KCNMA1: variants seen among roughly 807,000 people sequenced by gnomAD.
The protein encoded by KCNMA1 is potassium calcium-activated channel subfamily M alpha 1.
Under a neutral mutation model 140.0 loss-of-function variants are expected in KCNMA1, and 29 were observed. The observed-to-expected ratio is 0.21, with a 90% CI of 0.15 to 0.28. The LOEUF (loss-of-function observed/expected upper bound fraction) is 0.28. Among genes scored for constraint, KCNMA1 ranks in the 10% least tolerant of loss-of-function variants. The pLI, the probability that KCNMA1 is intolerant of heterozygous loss-of-function variation, is 1.00. For synonymous variants in KCNMA1, 612 were observed against 611.9 expected, an observed-to-expected ratio of 1.00 and a Z score of 0.00; for missense variants, 880 against 1,602.2, an observed-to-expected ratio of 0.55 and a Z score of 7.70.
chr10:77,478,538 G>A (rs539430509), intron 1 of KCNMA1, among the ~76,000 whole-genome samples: 1 of 152,244 alleles, frequency 6.6e-6, no homozygotes, highest in Non-Finnish European at 1.5e-5. Context: ...ACCATCTAGT[G>A]ACTAAAGATG....
At chr10:76,960,618 G>GTTTTT (rs55685324) in intron 20 of KCNMA1, among the ~76,000 whole-genome samples, 153 of 59,198 alleles carry the variant, frequency 2.6e-3, no homozygotes, top group Non-Finnish European at 3.0e-3. Flanking sequence ...TTATGGTTTT[G>GTTTTT]TTTTTTTTTT....
chr10:76,978,273 G>T (rs2078304192), intron 19 of KCNMA1, among the ~76,000 whole-genome samples: 1 of 152,186 alleles, frequency 6.6e-6, no homozygotes, highest in Admixed American at 6.5e-5. Context: ...TGCCCCATCA[G>T]TTTGGCTAGA....
At chr10:77,485,072 T>C (rs547408153) in intron 1 of KCNMA1, among the ~76,000 whole-genome samples, 31 of 152,296 alleles carry the variant, frequency 2.0e-4, no homozygotes, top group Admixed American at 1.0e-3. Flanking sequence ...CTTCTGAACC[T>C]CCTCTGCTGA....
intron 1 of KCNMA1, among the ~76,000 whole-genome samples, chr10:77,437,496 G>A (rs2097290311): frequency 6.6e-6 from 1 of 152,128 alleles, no homozygotes; most frequent in Non-Finnish European, 1.5e-5. Flanking sequence ...TTTACAGCAG[G>A]TAAAATTTTG....
chr10:77,491,232 G>T (rs1481493142), intron 1 of KCNMA1, among the ~76,000 whole-genome samples: 2 of 152,152 alleles, frequency 1.3e-5, no homozygotes, highest in Non-Finnish European at 2.9e-5. Flanking sequence ...GAGTTGATTG[G>T]ATTTGAGTGA....
At chr10:77,623,832 T>G (rs995314765) in intron 1 of KCNMA1, among the ~76,000 whole-genome samples, 18 of 152,204 alleles carry the variant, frequency 1.2e-4, no homozygotes, top group African/African-American at 4.3e-4. Flanking sequence ...TCCTACACAA[T>G]TACCAACACC....
intron 1 of KCNMA1, among the ~76,000 whole-genome samples, chr10:77,578,150 C>T (rs954773394): frequency 1.3e-5 from 2 of 152,216 alleles, no homozygotes; most frequent in Non-Finnish European, 2.9e-5. Flanking sequence ...ACCAGTGGGC[C>T]TTTCTCCTGA....
At chr10:76,913,155 GTCATGTGAAGGCAGGTGCTCCCACC>G (rs1239784453) in intron 24 of KCNMA1, 1 of 152,186 alleles carries the variant, frequency 6.6e-6, no homozygotes, top group Non-Finnish European at 1.5e-5. Context: ...TCATTTGTGA[GTCATGTGAAGGCAGGTGCTCCCACC>G]TCTCTATCCA....
At chr10:77,485,165 C>A (rs1484361468) in intron 1 of KCNMA1, among the ~76,000 whole-genome samples, 2 of 152,214 alleles carry the variant, frequency 1.3e-5, no homozygotes, top group African/African-American at 2.4e-5. Context: ...GAATGAGCAA[C>A]CCCCATCAGT....
chr10:77,622,494 T>A (rs2091642726), intron 1 of KCNMA1, among the ~76,000 whole-genome samples: 2 of 152,246 alleles, frequency 1.3e-5, no homozygotes, highest in African/African-American at 4.8e-5. Context: ...CTCAGTTTTC[T>A]AATCCATAAG....
In KCNMA1 at chr10:77,587,638, G is replaced by C. The variant is rs1025736995; in HGVS notation, c.378+49627C>G. On this transcript the variant is annotated intron_variant, in intron 1 of 27. Transcript: ENST00000286628. ...GTGTCTGGGCTGCGGGCCCCTGAGT[G>C]TCCGGTGCTCTGAGGACACCTTCAG... 4 of 924,692 alleles carry C rather than the reference G, an allele frequency of 4.3e-6. No individual in the cohort carries two copies. In the African/African-American group the frequency reaches 7.1e-5, roughly 16 times the overall value. 57.3% of individuals were successfully genotyped at this position (924,692 alleles called of 1,614,324 possible).
Position 77,025,240 on chromosome 10 carries a change from GTGTATA to G in KCNMA1, c.1928+2577_1928+2582del, listed in dbSNP as rs1275639354. 0.043 allele frequency among the ~76,000 whole-genome samples: 2,812 copies of G among 65,360 alleles called. 223 individuals are homozygous for G. Among genetic ancestry groups the G allele is most frequent in the South Asian group, 0.1 (180 of 1,742 alleles). 42.9% of individuals were successfully genotyped at this position (65,360 alleles called of 152,430 possible). On this transcript the variant is annotated intron_variant, in intron 16 of 27. Coordinates refer to ENST00000286628, the MANE Select transcript of KCNMA1 (RefSeq NM_001161352.2). ...GTACTCTAGTTGGAGAGGGGTGTGT[GTGTATA>G]TATATATATATATATATATATATAT...
At position 77,192,283 on chromosome 10, in the gene KCNMA1, G is replaced by A. The variant is rs147499747; in HGVS notation, c.603-7367C>T. Among the ~76,000 whole-genome samples, 54 of 152,212 alleles carry A rather than the reference G, an allele frequency of 3.5e-4. 1 individual carries two copies. In the East Asian group the frequency reaches 9.3e-3, roughly 26 times the overall value. ...GATCATTTGCTTTCAAGAAACTCAG[G>A]TGGCGAGAACCCTTTTGTTTGTTAT... On this transcript the variant is annotated intron_variant, in intron 3 of 27. Transcript: ENST00000286628.
chr10:77,183,084 T>C (rs1462919805), intron 5 of KCNMA1, among the ~76,000 whole-genome samples: 1 of 152,172 alleles, frequency 6.6e-6, no homozygotes, highest in African/African-American at 2.4e-5. Context: ...AAAGTTGGCC[T>C]TACCCCCATG....
At chr10:77,052,117 A>G (rs146678252) in intron 14 of KCNMA1, among the ~76,000 whole-genome samples, 287 of 152,288 alleles carry the variant, frequency 1.9e-3, no homozygotes, top group Non-Finnish European at 3.1e-3. Context: ...CCTGTGATTC[A>G]TGGCTTCCTA....
intron 9 of KCNMA1, among the ~76,000 whole-genome samples, chr10:77,092,935 A>G (rs2096848845): frequency 6.6e-6 from 1 of 152,228 alleles, no homozygotes; most frequent in South Asian, 2.1e-4. Context: ...TCAAAAGCTC[A>G]GCTGGCTGAT....
At chr10:77,109,340 C>T (rs1011931813) in intron 8 of KCNMA1, among the ~76,000 whole-genome samples, 16 of 151,976 alleles carry the variant, frequency 1.1e-4, no homozygotes, top group Non-Finnish European at 1.8e-4. Flanking sequence ...TATAAATGTG[C>T]GCACGGTGTA....
chr10:77,630,485 T>C (rs2093050859), intron 1 of KCNMA1, among the ~76,000 whole-genome samples: 1 of 152,054 alleles, frequency 6.6e-6, no homozygotes, highest in East Asian at 1.9e-4. Context: ...GACCATCAGT[T>C]TTCGCAAATA....
chr10:77,153,899 T>C (rs1232221110), intron 5 of KCNMA1, among the ~76,000 whole-genome samples: 1 of 152,148 alleles, frequency 6.6e-6, no homozygotes, highest in Non-Finnish European at 1.5e-5. Context: ...CCCAGCTCTG[T>C]TGCTTATTAA....
Sources: gnomAD v4.1 joint callset for allele counts (sites outside exome capture counted in the v4.1 genomes callset) on GRCh38, gnomAD v4.1.1 for gene constraint, MANE v1.5 for transcripts, NCBI Gene and HGNC (gene_info 2026-07-23, HGNC 2026-07-21) for gene names.